Variants in TRPM3 observed in about 807,000 individuals in gnomAD.
The protein encoded by TRPM3 is transient receptor potential cation channel subfamily M member 3.
TRPM3 carries 77 observed loss-of-function variants against 181.2 expected under a neutral mutation model. That is an observed-to-expected ratio of 0.42 (90% confidence interval 0.35 to 0.51). The LOEUF is 0.51. Ranked by LOEUF, TRPM3 falls within the 20% of genes least tolerant of loss-of-function variation. TRPM3 has a pLI of 0.01. For missense variants in TRPM3, 1,759 were observed against 2,196.7 expected (o/e 0.80, Z 3.98); for synonymous variants, 745 against 796.4 (o/e 0.94, Z 1.09).
chr9:71,385,923 T>C lies in TRPM3; in HGVS notation c.183+60730A>G, dbSNP rs111426563. The stretch of plus-strand genomic sequence containing the variant: ...GGTTTCACCATGTTGGCCAGGCTGG[T>C]CTCAAACTCCTGACCTCAAGCGATC... On this transcript the variant is annotated intron_variant, in intron 1 of 24. Coordinates refer to the TRPM3 transcript ENST00000357533. Among the ~76,000 whole-genome samples, 984 of 151,184 alleles carry C rather than the reference T, an allele frequency of 6.5e-3. 16 individuals are homozygous for C. The highest frequency in any genetic ancestry group is 0.023 in the African/African-American group (942 of 41,282).
At chr9:71,174,505 T>G (rs1465988397) in intron 1 of TRPM3, among the ~76,000 whole-genome samples, 1 of 151,954 alleles carries the variant, frequency 6.6e-6, no homozygotes, top group Admixed American at 6.6e-5. Context: ...CATGTCACTG[T>G]ACTCTAGCCT....
At chr9:70,937,584 C>T (rs1329951605) in intron 1 of TRPM3, among the ~76,000 whole-genome samples, 1 of 152,126 alleles carries the variant, frequency 6.6e-6, no homozygotes, top group South Asian at 2.1e-4. Context: ...GGCTGCCATT[C>T]GTGAGTCAAA....
At chr9:71,368,713 CAT>C (rs775497610) in intron 1 of TRPM3, among the ~76,000 whole-genome samples, 9 of 152,152 alleles carry the variant, frequency 5.9e-5, no homozygotes, top group Middle Eastern at 3.2e-3. Context: ...GAAAAAATAA[CAT>C]GTGTTGGCTT....
At chr9:70,990,194 G>GCATA (rs1313610592) in intron 1 of TRPM3, among the ~76,000 whole-genome samples, 1 of 152,160 alleles carries the variant, frequency 6.6e-6, no homozygotes, top group African/African-American at 2.4e-5. Flanking sequence ...AAAATCTGCT[G>GCATA]CATGCAAAAT....
Position 70,625,302 on chromosome 9 carries a change from G to A in TRPM3, c.1698C>T (p.Ser566=), listed in dbSNP as rs532493247. 2 of 1,614,136 alleles carry A rather than the reference G, an allele frequency of 1.2e-6. No individual in the cohort carries two copies. The highest frequency in any genetic ancestry group is 1.7e-6 in the Non-Finnish European group (2 of 1,180,022). The change falls in exon 14 of 26, where the codon AGC becomes AGT. Residue 566 remains serine (S), a synonymous_variant. Coordinates refer to ENST00000677713, the MANE Select transcript of TRPM3 (RefSeq NM_001366145.2). This position sits in a 1 kb window ranked among gnomAD's most constrained non-coding sequence, Gnocchi z 4.8. ...KGNLPPDYRI[S]LIDIGLVIEY... ...CGATCACCAGGCCGATGTCAATCAG[G>A]CTGATTCTGTAGTCTGGGGGCAGGT... is the stretch of plus-strand genomic sequence containing the variant.
At chr9:70,642,382 T>C (rs556655441) in intron 9 of TRPM3, among the ~76,000 whole-genome samples, 1 of 152,314 alleles carries the variant, frequency 6.6e-6, no homozygotes, top group East Asian at 1.9e-4. Context: ...CTGCTTCTGA[T>C]GTTTAGGAAA....
intron 22 of TRPM3, among the ~76,000 whole-genome samples, chr9:70,557,384 C>T (rs17536657): frequency 0.23 from 35,468 of 152,164 alleles, 4,829 homozygotes; most frequent in Admixed American, 0.31. Flanking sequence ...AAATAGCCTT[C>T]ATTTGGTAAT....
chr9:70,918,873 A>T (rs2096627640), intron 1 of TRPM3, among the ~76,000 whole-genome samples: 1 of 152,058 alleles, frequency 6.6e-6, no homozygotes, highest in African/African-American at 2.4e-5. Context: ...AGTCTACTCC[A>T]TTTGGGAAAG....
chr9:70,829,931 A>T (rs765583012), intron 5 of TRPM3, among the ~76,000 whole-genome samples: 1 of 152,228 alleles, frequency 6.6e-6, no homozygotes, highest in Non-Finnish European at 1.5e-5. Flanking sequence ...AATAAATATT[A>T]ATGCTTTATT....
intron 7 of TRPM3, among the ~76,000 whole-genome samples, chr9:70,764,479 C>A (rs1393979439): frequency 6.6e-6 from 1 of 152,142 alleles, no homozygotes; most frequent in Admixed American, 6.5e-5. Flanking sequence ...AGGGATCTGT[C>A]TGACACTTGT....
chr9:71,061,709 C>A (rs2061354300), intron 1 of TRPM3, among the ~76,000 whole-genome samples: 3 of 152,138 alleles, frequency 2.0e-5, no homozygotes, highest in Middle Eastern at 6.8e-3. Context: ...ATTGCTGGAG[C>A]AATTAAGCAC....
At chr9:70,673,108 T>G (rs1301810589) in intron 9 of TRPM3, among the ~76,000 whole-genome samples, 1 of 152,070 alleles carries the variant, frequency 6.6e-6, no homozygotes, top group Non-Finnish European at 1.5e-5. Context: ...CAAACTATCT[T>G]GAGTATCTTT....
intron 12 of TRPM3, 82 bp downstream of exon 12, chr9:70,635,129 G>T: frequency 2.5e-6 from 3 of 1,212,858 alleles, no homozygotes; most frequent in Non-Finnish European, 3.6e-6. Context: ...TACTCTGGCA[G>T]CTCATGCAAA....
intron 1 of TRPM3, among the ~76,000 whole-genome samples, chr9:71,268,168 G>C (rs1269117657): frequency 6.6e-6 from 1 of 152,090 alleles, no homozygotes; most frequent in Non-Finnish European, 1.5e-5. Context: ...ACCACATGAG[G>C]TCAGGAGTTC....
chr9:70,672,223 C>T (rs2063105855), intron 9 of TRPM3, among the ~76,000 whole-genome samples: 1 of 152,114 alleles, frequency 6.6e-6, no homozygotes, highest in African/African-American at 2.4e-5. Flanking sequence ...ATTCCCCTGC[C>T]ACAGTGATGA....
chr9:71,112,343 A>G (rs1036465053), intron 1 of TRPM3, among the ~76,000 whole-genome samples: 2 of 152,214 alleles, frequency 1.3e-5, no homozygotes, highest in Non-Finnish European at 2.9e-5. Flanking sequence ...TATATTATCA[A>G]AGCAGATATC....
chr9:71,019,544 G>C (rs1273016852), intron 1 of TRPM3, among the ~76,000 whole-genome samples: 2 of 151,796 alleles, frequency 1.3e-5, no homozygotes, highest in African/African-American at 4.8e-5. Context: ...GAAGTACCCA[G>C]AAAAATACAA....
intron 1 of TRPM3, among the ~76,000 whole-genome samples, chr9:71,137,824 A>C (rs1282099452): frequency 1.3e-5 from 2 of 152,180 alleles, no homozygotes; most frequent in East Asian, 3.9e-4. Context: ...TAAGTTTTGC[A>C]ATTAAAAATA....
intron 1 of TRPM3, among the ~76,000 whole-genome samples, chr9:70,996,205 C>A (rs77909358): frequency 6.6e-6 from 1 of 152,054 alleles, no homozygotes; most frequent in Non-Finnish European, 1.5e-5. Flanking sequence ...ATTTATAGAA[C>A]CAGAATTCTG....
Sources: gnomAD v4.1 joint callset for allele counts (sites outside exome capture counted in the v4.1 genomes callset) on GRCh38, gnomAD v4.1.1 for gene constraint, Gnocchi (gnomAD v3.1) non-coding constraint, MANE v1.5 for transcripts, NCBI Gene and HGNC (gene_info 2026-07-23, HGNC 2026-07-21) for gene names.